MX1: variants seen among roughly 807,000 people sequenced by gnomAD.
The protein encoded by MX1 is interferon-induced GTP-binding protein Mx1.
MX1 carries 66 observed loss-of-function variants against 66.4 expected under a neutral mutation model. That is an observed-to-expected ratio of 0.99 (90% CI 0.82 to 1.22). The LOEUF is 1.22. Among genes scored for constraint, MX1 ranks in the 50% most tolerant of loss-of-function variants. MX1 has a pLI of 0.00. For missense variants in MX1, 787 were observed against 834.3 expected (o/e 0.94, Z 0.70); for synonymous variants, 311 against 318.1 (o/e 0.98, Z 0.24).
chr21:41,446,220 A>G, intron 13 of MX1, 79 bp downstream of exon 13: 1 of 1,280,686 alleles, frequency 7.8e-7, no homozygotes, highest in South Asian at 1.3e-5. Context: ...GTAGAAACTT[A>G]TTGCTCATTG....
At chr21:41,440,720 G>C (rs923333449) in intron 8 of MX1, among the ~76,000 whole-genome samples, 167 bp from the exon 9 acceptor site, 4 of 152,090 alleles carry the variant, frequency 2.6e-5, no homozygotes, top group African/African-American at 9.7e-5. Context: ...ATTCCAGCTT[G>C]GTACCTCCAG....
upstream of MX1, among the ~76,000 whole-genome samples, chr21:41,425,197 T>G (rs2090037294): frequency 1.3e-5 from 2 of 152,242 alleles, no homozygotes; most frequent in African/African-American, 4.8e-5. Context: ...GCTGTGTATT[T>G]CACCTGGGTG....
At chr21:41,448,543 C>T (rs941843014) in intron 13 of MX1, among the ~76,000 whole-genome samples, 1 of 152,124 alleles carries the variant, frequency 6.6e-6, no homozygotes, top group African/African-American at 2.4e-5. Context: ...CGGTGGCTCA[C>T]GCCTGTAATC....
At chr21:41,431,317 T>C (rs466135) in intron 4 of MX1, among the ~76,000 whole-genome samples, 98,281 of 152,148 alleles carry the variant, frequency 0.65, 33,879 homozygotes, top group East Asian at 0.99. Flanking sequence ...TGAGCTACTG[T>C]GCCCAGCCTT....
At chr21:41,451,858 A>AAAAG (rs1568995092) in intron 15 of MX1, among the ~76,000 whole-genome samples, 1 of 138,220 alleles carries the variant, frequency 7.2e-6, no homozygotes, top group Non-Finnish European at 1.5e-5. Flanking sequence ...AAAACAAACA[A>AAAAG]AAAAACTTTC....
chr21:41,433,104 T>A (rs2090267123), intron 5 of MX1, among the ~76,000 whole-genome samples: 1 of 152,232 alleles, frequency 6.6e-6, no homozygotes, highest in South Asian at 2.1e-4. Flanking sequence ...AGAGTGTGTC[T>A]CGTGATCTGG....
intron 8 of MX1, 48 bp downstream of exon 8, chr21:41,439,896 G>A: frequency 2.6e-6 from 4 of 1,539,730 alleles, no homozygotes; most frequent in Non-Finnish European, 3.6e-6. Flanking sequence ...TGGGGATGGG[G>A]GAGTGGAGGG....
In MX1 at chr21:41,441,991, C is replaced by T. The variant is rs1448071188; in HGVS notation, c.929+77C>T. On this transcript the variant is annotated intron_variant, in intron 10 of 16. Coordinates refer to ENST00000398598, the MANE Select transcript of MX1 (RefSeq NM_002462.5). This position sits in a 1 kb window ranked among gnomAD's most constrained non-coding sequence, Gnocchi z 4.0. ...CCTTCCAGGGGACAGTGGCAGCCGT[C>T]CCACAGATGTGTGGAGTGTGTGTGT... 1 of 1,454,616 alleles carries T rather than the reference C, an allele frequency of 6.9e-7. No individual in the cohort carries two copies. Among genetic ancestry groups the T allele is most frequent in the East Asian group, 2.3e-5 (1 of 44,044 alleles). The allele number at this position is 1,454,616 out of a possible 1,614,324, so 90.1% of individuals were successfully genotyped here. A position where few individuals can be genotyped will look rare whatever the true frequency, so the allele number is the denominator to read the frequency against.
chr21:41,437,342 C>T (rs1056348965), intron 7 of MX1, among the ~76,000 whole-genome samples, 190 bp downstream of exon 7: 1 of 152,092 alleles, frequency 6.6e-6, no homozygotes, highest in African/African-American at 2.4e-5. Context: ...CATCTGATAG[C>T]AATCATTTAT....
intron 11 of MX1, 44 bp downstream of exon 11, chr21:41,443,910 G>A (rs761141762): frequency 3.2e-6 from 5 of 1,568,444 alleles, no homozygotes; most frequent in South Asian, 2.2e-5. Context: ...AGAATACTAC[G>A]ACCGCAGAGC....
chr21:41,443,976 G>A (rs1687033339), intron 11 of MX1, 110 bp downstream of exon 11: 1 of 1,041,124 alleles, frequency 9.6e-7, no homozygotes. Context: ...TGAGGATCTT[G>A]TTAAGATGCA....
intron 11 of MX1, among the ~76,000 whole-genome samples, 190 bp from the exon 12 acceptor site, chr21:41,445,258 C>A (rs2090628854): frequency 6.6e-6 from 1 of 152,146 alleles, no homozygotes; most frequent in Non-Finnish European, 1.5e-5. Flanking sequence ...GGGGGAAGAC[C>A]TGGGCAGAAA....
chr21:41,430,483 G>C (rs533119136), intron 3 of MX1, 50 bp from the exon 4 acceptor site: 4 of 152,218 alleles, frequency 2.6e-5, no homozygotes, highest in African/African-American at 9.6e-5. Context: ...GGGTACTCTC[G>C]GGTGTTCCGC....
Position 41,432,139 on chromosome 21 carries a change from T to G in MX1, c.69T>G (p.Asn23Lys), listed in dbSNP as rs1345727312. Residue 23 changes from asparagine (N) to lysine (K), a missense_variant, in exon 5 of 17, where the codon AAT becomes AAG. By Grantham distance (94) the Asn-to-Lys change is moderately conservative (BLOSUM62 0). Coordinates refer to ENST00000398598, the MANE Select transcript of MX1 (RefSeq NM_002462.5). Reference sequence around the variant, plus strand: ...CTGCATCCCACCCTCTATTACTGAATGGAGATGCTACTGTGGCCCAGAAAA... The same window carrying G: ...CTGCATCCCACCCTCTATTACTGAAGGGAGATGCTACTGTGGCCCAGAAAA... ...PAAASHPLLL[N>K]GDATVAQKNP... The G allele has an allele frequency of 1.2e-6, 2 of 1,614,152 alleles. No individual in the cohort carries two copies. The highest frequency in any genetic ancestry group is 1.1e-5 in the South Asian group (1 of 91,090).
rs201089600 is a variant in MX1 at position 41,439,805 on chromosome 21, C to A, written c.548C>A (p.Thr183Asn). The change falls in exon 8 of 17, where the codon ACC (threonine) becomes AAC (asparagine). Residue 183 changes from threonine (T) to asparagine (N), a missense_variant. By Grantham distance (65) the Thr-to-Asn change is moderately conservative. Transcript: ENST00000398598. The stretch of plus-strand genomic sequence containing the variant: ...ACTCTAATAGACCTTCCTGGCATAA[C>A]CAGAGTGGCTGTGGGCAATCAGCCT... Reference protein sequence around the residue: ...DLTLIDLPGITRVAVGNQPAD... With the variant: ...DLTLIDLPGINRVAVGNQPAD... 6.2e-7 allele frequency: 1 copy of A among 1,614,016 alleles called. No homozygotes were observed. The highest frequency in any genetic ancestry group is 1.3e-5 in the African/African-American group (1 of 74,970).
exon 1 of MX1, chr21:41,420,777 G>C (rs372634066): frequency 2.6e-5 from 4 of 152,274 alleles, no homozygotes; most frequent in African/African-American, 9.6e-5. Flanking sequence ...CGGTTGACCC[G>C]GTCCTCAGCC....
chr21:41,435,825 T>C lies in MX1; in HGVS notation c.106-12T>C, dbSNP rs779857533. 4 of 1,595,158 alleles carry C rather than the reference T, an allele frequency of 2.5e-6. No individual in the cohort carries two copies. Among genetic ancestry groups the C allele is most frequent in the Non-Finnish European group, 3.4e-6 (4 of 1,165,358 alleles). On this transcript the variant is annotated splice_polypyrimidine_tract_variant and intron_variant, in intron 5 of 16. Transcript: ENST00000398598. The stretch of plus-strand genomic sequence containing the variant: ...CAGGCCATGAAGAATTCTCCATTTT[T>C]GTTTCCTCCAGGTGGCTGAGAACAA...
In MX1 at chr21:41,444,463, A is replaced by G. The variant is rs191120566; in HGVS notation, c.1008+597A>G. Reference sequence around the variant, plus strand: ...TACCTCAGCCTCCTGAGTAGCTGGGATTACAGGTGCCCACCACCATGCCTG... The same window carrying G: ...TACCTCAGCCTCCTGAGTAGCTGGGGTTACAGGTGCCCACCACCATGCCTG... On this transcript the variant is annotated intron_variant, in intron 11 of 16. Transcript: ENST00000398598. Among the ~76,000 whole-genome samples, 42 of 150,990 alleles carry G rather than the reference A, an allele frequency of 2.8e-4. No homozygotes were observed. The East Asian group carries it at 8.0e-3, about 29-fold the overall frequency.
chr21:41,438,540 G>A (rs879555709), intron 7 of MX1, among the ~76,000 whole-genome samples: 2 of 152,206 alleles, frequency 1.3e-5, no homozygotes, highest in African/African-American at 2.4e-5. Flanking sequence ...GCAAGAGAGG[G>A]CAAGACCCGA....
Sources: allele counts gnomAD v4.1 joint callset (sites outside exome capture counted in the v4.1 genomes callset), GRCh38; gene constraint gnomAD v4.1.1; non-coding constraint Gnocchi (gnomAD v3.1); transcripts MANE v1.5; gene names NCBI Gene and HGNC (gene_info 2026-07-23, HGNC 2026-07-21).